GRIK3: variants seen among roughly 807,000 people sequenced by gnomAD.
GRIK3 encodes glutamate ionotropic receptor kainate type subunit 3.
In GRIK3, 29 loss-of-function variants were observed where a neutral mutation model predicts 102.5. The observed-to-expected ratio is 0.28, with a 90% CI of 0.21 to 0.39. GRIK3 has a LOEUF of 0.39. Among genes scored for constraint, GRIK3 ranks in the 10% least tolerant of loss-of-function variants. The pLI is 1.00. For missense variants in GRIK3, 908 were observed against 1,252.4 expected (o/e 0.73, Z 4.15); for synonymous variants, 511 against 504.9 (o/e 1.01, Z -0.16).
At chr1:36,892,104 C>T (rs543041503) in intron 1 of GRIK3, among the ~76,000 whole-genome samples, 44 of 152,282 alleles carry the variant, frequency 2.9e-4, no homozygotes, top group East Asian at 1.4e-3. Context: ...CGGCAGCCTC[C>T]GCTTCCCGGG....
chr1:36,978,637 G>A (rs924731526), intron 1 of GRIK3, among the ~76,000 whole-genome samples: 1 of 152,210 alleles, frequency 6.6e-6, no homozygotes, highest in Non-Finnish European at 1.5e-5. Flanking sequence ...GGTCTAGGAT[G>A]GCCTCGTTTC....
At chr1:36,823,633 C>T (rs1476252562) in intron 11 of GRIK3, among the ~76,000 whole-genome samples, 1 of 152,202 alleles carries the variant, frequency 6.6e-6, no homozygotes, top group Non-Finnish European at 1.5e-5. Flanking sequence ...TGAGCAGCAG[C>T]TGCCCCCTTC....
intron 10 of GRIK3, among the ~76,000 whole-genome samples, chr1:36,834,908 G>T (rs865952366): frequency 6.6e-6 from 1 of 152,296 alleles, no homozygotes; most frequent in South Asian, 2.1e-4. Context: ...ATGTGTCTTA[G>T]ACCTGTCTGG....
At chr1:36,913,917 C>G (rs1299684432) in intron 1 of GRIK3, among the ~76,000 whole-genome samples, 4 of 152,222 alleles carry the variant, frequency 2.6e-5, no homozygotes, top group African/African-American at 9.6e-5. Flanking sequence ...ACAAATGCTG[C>G]CAAAGCTACT....
intron 1 of GRIK3, among the ~76,000 whole-genome samples, chr1:36,895,090 G>A (rs2124276871): frequency 1.3e-5 from 2 of 152,220 alleles, no homozygotes; most frequent in East Asian, 3.9e-4. Flanking sequence ...CCGCCCAGGG[G>A]CACAGGCTCA....
At chr1:36,936,812 A>ATT (rs3059460) in intron 1 of GRIK3, among the ~76,000 whole-genome samples, 238 of 149,396 alleles carry the variant, frequency 1.6e-3, no homozygotes, top group Middle Eastern at 3.5e-3. Context: ...CTTTAACCTC[A>ATT]TTTTTTTTTT....
rs1642506846 is a variant in GRIK3, at chr1:36,806,846, CT to C, written c.2092-521del. Among the ~76,000 whole-genome samples, 1 of 152,198 alleles carries C rather than the reference CT, an allele frequency of 6.6e-6. No individual in the cohort carries two copies. Among genetic ancestry groups the C allele is most frequent in the African/African-American group, 2.4e-5 (1 of 41,442 alleles). On this transcript the variant is annotated intron_variant, in intron 13 of 15. Coordinates refer to ENST00000373091, the MANE Select transcript of GRIK3 (RefSeq NM_000831.4). The surrounding 1 kb of genome is among the most constrained non-coding windows in gnomAD (Gnocchi z 4.0). ...CCATCTGGCTCCAGAGTCCATACCC[CT>C]AACCCCTCAGCTGCCCTGCCTCACA...
chr1:36,926,892 A>G (rs760136274), intron 1 of GRIK3, among the ~76,000 whole-genome samples: 2 of 152,178 alleles, frequency 1.3e-5, no homozygotes, highest in Non-Finnish European at 1.5e-5. Flanking sequence ...CTCCTGGGGA[A>G]TTTGCATGAA....
At chr1:36,982,978 G>A (rs574211356) in intron 1 of GRIK3, among the ~76,000 whole-genome samples, 2 of 152,200 alleles carry the variant, frequency 1.3e-5, no homozygotes, top group Non-Finnish European at 2.9e-5. Context: ...TCAAGAGCGA[G>A]CCCTGGCCGA....
chr1:36,975,549 T>C (rs1642187937), intron 1 of GRIK3, among the ~76,000 whole-genome samples: 1 of 152,200 alleles, frequency 6.6e-6, no homozygotes, highest in Admixed American at 6.5e-5. Context: ...CGCCTTGGCC[T>C]CCCAAAGTGC....
chr1:37,009,402 C>A (rs1049181566), intron 1 of GRIK3, among the ~76,000 whole-genome samples: 1 of 152,246 alleles, frequency 6.6e-6, no homozygotes, highest in African/African-American at 2.4e-5. Context: ...GGCCCCCTCA[C>A]ACCCCCAGCC....
At chr1:36,852,552 A>C (rs1194202160) in intron 8 of GRIK3, among the ~76,000 whole-genome samples, 2 of 152,214 alleles carry the variant, frequency 1.3e-5, no homozygotes. Flanking sequence ...AGAGCAGGGC[A>C]GAGCTGTGCT....
intron 1 of GRIK3, among the ~76,000 whole-genome samples, chr1:36,977,129 C>T (rs1353005702): frequency 5.9e-5 from 9 of 152,194 alleles, no homozygotes; most frequent in East Asian, 1.9e-4. Flanking sequence ...ATTCAAATCC[C>T]GCATGGACCA....
intron 3 of GRIK3, among the ~76,000 whole-genome samples, chr1:36,877,149 C>T (rs1640919783): frequency 6.6e-6 from 1 of 152,120 alleles, no homozygotes; most frequent in Admixed American, 6.5e-5. Context: ...TGAGCATCAG[C>T]TCTGGCCAGT....
chr1:36,886,065 A>G (rs1338065813), intron 2 of GRIK3, among the ~76,000 whole-genome samples: 1 of 152,234 alleles, frequency 6.6e-6, no homozygotes, highest in African/African-American at 2.4e-5. Context: ...CAGCCTTGGA[A>G]GAAAACACAG....
At position 36,859,928 on chromosome 1, in the gene GRIK3, G is replaced by A. The variant is rs1302927478; in HGVS notation, c.876C>T (p.Val292=). The part of the protein sequence containing the change: ...FRILNVDNPH[V]SAIVEKWSME... ...TGGACCACTTCTCCACAATGGCCGA[G>A]ACGTGTGGGTTGTCCACATTGAGAA... Residue 292 remains valine, a synonymous_variant, in exon 6 of 16, where the codon GTC becomes GTT. Coordinates refer to ENST00000373091, the MANE Select transcript of GRIK3 (RefSeq NM_000831.4). 2 of 1,613,830 alleles carry A rather than the reference G, an allele frequency of 1.2e-6. No individual in the cohort carries two copies.
At chr1:36,931,192 CT>C (rs1184617490) in intron 1 of GRIK3, among the ~76,000 whole-genome samples, 2 of 152,146 alleles carry the variant, frequency 1.3e-5, no homozygotes, top group African/African-American at 4.8e-5. Context: ...TATGGGAGAC[CT>C]GAGATGACTC....
At chr1:36,842,097 C>T (rs1395717505) in intron 9 of GRIK3, among the ~76,000 whole-genome samples, 158 bp from the exon 10 acceptor site, 2 of 152,172 alleles carry the variant, frequency 1.3e-5, no homozygotes, top group Admixed American at 6.5e-5. Context: ...CGGGAAAGCA[C>T]ATGTCCTGAG....
chr1:36,956,341 T>A (rs1438621131), intron 1 of GRIK3, among the ~76,000 whole-genome samples: 1 of 151,962 alleles, frequency 6.6e-6, no homozygotes, highest in African/African-American at 2.4e-5. Flanking sequence ...GAAAGTTACT[T>A]AGGAAGATGA....
Sources: gnomAD v4.1 joint callset for allele counts (sites outside exome capture counted in the v4.1 genomes callset) on GRCh38, gnomAD v4.1.1 for gene constraint, Gnocchi (gnomAD v3.1) non-coding constraint, MANE v1.5 for transcripts, NCBI Gene and HGNC (gene_info 2026-07-23, HGNC 2026-07-21) for gene names.